C4orf50: variants seen among roughly 807,000 people sequenced by gnomAD.
C4orf50 encodes the protein uncharacterized protein C4orf50.
A neutral mutation model predicts 77.2 loss-of-function variants in C4orf50; 80 were observed. The ratio of observed to expected loss-of-function variants is 1.04; its 90% CI spans 0.87 to 1.25. C4orf50 has a LOEUF of 1.25. C4orf50 is among the 50% of genes most tolerant of loss of function. C4orf50 has a pLI of 0.00. For synonymous variants in C4orf50, 532 were observed against 465.3 expected, an observed-to-expected ratio of 1.14 and a Z score of -1.84; for missense variants, 1,257 against 1,152.9, an observed-to-expected ratio of 1.09 and a Z score of -1.31.
intron 25 of C4orf50, among the ~76,000 whole-genome samples, chr4:6,005,275 C>G (rs1445873666): frequency 1.3e-5 from 2 of 152,238 alleles, no homozygotes; most frequent in East Asian, 3.9e-4. Context: ...ACTTGATGGG[C>G]AATTTAGGGA....
At chr4:5,911,972 G>A (rs1056547119) in intron 7 of C4orf50, among the ~76,000 whole-genome samples, 3 of 152,080 alleles carry the variant, frequency 2.0e-5, no homozygotes, top group Non-Finnish European at 4.4e-5. Context: ...CTTTAACCCC[G>A]GAGGCGGAGG....
chr4:5,979,798 G>A lies in C4orf50; in HGVS notation c.3864+376C>T, dbSNP rs142967978. 9.7e-3 allele frequency among the ~76,000 whole-genome samples: 1,476 copies of A among 152,316 alleles called. 21 individuals are homozygous for A. The highest frequency in any genetic ancestry group is 0.033 in the African/African-American group (1,368 of 41,564). ...TTCAGATCTCTCCAGTTTTAAACGT[G>A]TGTGTCTGCGTGTTAAGTCCCGTGC... On this transcript the variant is annotated intron_variant, in intron 29 of 33. Transcript: ENST00000531445.
At chr4:5,906,812 A>G (rs940828311) in intron 7 of C4orf50, among the ~76,000 whole-genome samples, 1 of 152,240 alleles carries the variant, frequency 6.6e-6, no homozygotes, top group African/African-American at 2.4e-5. Context: ...GTAGGTACAC[A>G]GCTTCAAATC....
At chr4:5,911,810 G>A (rs895375190) in intron 7 of C4orf50, among the ~76,000 whole-genome samples, 2 of 152,188 alleles carry the variant, frequency 1.3e-5, no homozygotes, top group Non-Finnish European at 2.9e-5. Flanking sequence ...TACTTTGAGA[G>A]GCCCAGGCGG....
In C4orf50 at chr4:5,988,500, C is replaced by T. The variant is rs773568729; in HGVS notation, c.3546G>A (p.Ser1182=). The T allele has an allele frequency of 1.4e-5, 21 of 1,542,722 alleles. No individual in the cohort carries two copies. The Admixed American group carries it at 1.8e-4, about 13-fold the overall frequency. ...CTACACCAGTGTTTCTCCAGACCAG[C>T]GATGGAGGGGGAGAATCAGCACCGC... Residue 1182 remains serine, a synonymous_variant, in exon 28 of 34, where the codon TCG becomes TCA. Transcript: ENST00000531445.
At chr4:5,910,998 C>T (rs6849799) in intron 7 of C4orf50, among the ~76,000 whole-genome samples, 1,665 of 151,142 alleles carry the variant, frequency 0.011, 26 homozygotes, top group African/African-American at 0.038. Flanking sequence ...CTCCGCCTCC[C>T]GGGTTCACGC....
chr4:5,919,224 C>T lies in C4orf50; in HGVS notation c.*2475-21036G>A, dbSNP rs537311845. Among the ~76,000 whole-genome samples, 9 of 152,300 alleles carry T rather than the reference C, an allele frequency of 5.9e-5. No homozygotes were observed. The East Asian group carries it at 1.7e-3, about 29-fold the overall frequency. On this transcript the variant is annotated intron_variant, in intron 7 of 7. Coordinates refer to the C4orf50 transcript ENST00000324058. This position sits in a 1 kb window ranked among gnomAD's most constrained non-coding sequence, Gnocchi z 6.5. ...TGCCATTTCCGGAGCTGAATGTATTCAGGGGCCTGTTTCCAGTTCAGAGGA... is the reference window on the plus strand; with the variant it reads ...TGCCATTTCCGGAGCTGAATGTATTTAGGGGCCTGTTTCCAGTTCAGAGGA...
At chr4:6,004,352 CGGTGATGGTGATGAT>C (rs1722123183) in intron 25 of C4orf50, among the ~76,000 whole-genome samples, 6 of 15,928 alleles carry the variant, frequency 3.8e-4, no homozygotes, top group Non-Finnish European at 6.8e-4. Context: ...GTGATGATGA[CGGTGATGGTGATGAT>C]GGTGATGGTG....
At chr4:5,957,841 G>A (rs1004192324) in exon 34 of C4orf50, 2 of 152,020 alleles carry the variant, frequency 1.3e-5, no homozygotes, top group African/African-American at 4.8e-5. Flanking sequence ...AATTTTCCTC[G>A]AAATAAAACC....
rs185348208 is a variant in C4orf50, at chr4:5,976,941, G to A, written c.3865-986C>T. 7.2e-5 allele frequency among the ~76,000 whole-genome samples: 11 copies of A among 152,352 alleles called. No homozygotes were observed. In the East Asian group the frequency reaches 2.1e-3, roughly 29 times the overall value. ...TAGAATGCAGTGGAAGTGGCCCTGA[G>A]GCCTTTGTGGGCCTGGCACTGAATA... is the stretch of plus-strand genomic sequence containing the variant. On this transcript the variant is annotated intron_variant, in intron 29 of 33. Transcript: ENST00000531445.
chr4:5,928,279 T>G (rs882218), intron 7 of C4orf50, among the ~76,000 whole-genome samples: 10,351 of 152,058 alleles, frequency 0.068, 680 homozygotes, highest in African/African-American at 0.18. Context: ...CAAGGTAATC[T>G]TATAAGGTCA....
intron 25 of C4orf50, among the ~76,000 whole-genome samples, chr4:5,999,100 T>C (rs1721719048): frequency 6.6e-6 from 1 of 152,214 alleles, no homozygotes; most frequent in African/African-American, 2.4e-5. Flanking sequence ...CCCGGCTACC[T>C]TGCAGAGTTC....
At position 5,968,798 on chromosome 4, in the gene C4orf50, C is replaced by T. The variant is rs557212702; in HGVS notation, c.4105-1336G>A. On this transcript the variant is annotated intron_variant, in intron 31 of 33. Coordinates refer to ENST00000531445, the Ensembl canonical transcript of C4orf50. The stretch of plus-strand genomic sequence containing the variant: ...TCATTAGACAGAGGCTCCTTCAACG[C>T]GAGACTGGGGTTTTGTTCGCCTTCG... 5.3e-5 allele frequency among the ~76,000 whole-genome samples: 8 copies of T among 152,248 alleles called. No individual in the cohort carries two copies. The South Asian group carries it at 1.2e-3, about 24-fold the overall frequency.
intron 28 of C4orf50, among the ~76,000 whole-genome samples, chr4:5,985,696 A>G (rs1720819957): frequency 6.6e-6 from 1 of 152,192 alleles, no homozygotes; most frequent in African/African-American, 2.4e-5. Flanking sequence ...GTCTGGGCAC[A>G]GTGGCTCACA....
At chr4:5,969,188 C>T (rs185643536) in intron 31 of C4orf50, among the ~76,000 whole-genome samples, 35 of 152,160 alleles carry the variant, frequency 2.3e-4, no homozygotes, top group Middle Eastern at 3.4e-3. Flanking sequence ...TACACTCTCC[C>T]GAGCCCTGCC....
In C4orf50 at chr4:6,007,939, C is replaced by A; in HGVS notation, c.963+57G>T. The A allele has an allele frequency of 2.5e-6, 1 of 399,200 alleles. No individual in the cohort carries two copies. Among genetic ancestry groups the A allele is most frequent in the South Asian group, 1.3e-4 (1 of 7,774 alleles). The allele number at this position is 399,200 out of a possible 1,614,324, so 24.7% of individuals were successfully genotyped here. On this transcript the variant is annotated intron_variant, in intron 25 of 33. Transcript: ENST00000531445. This position sits in a 1 kb window ranked among gnomAD's most constrained non-coding sequence, Gnocchi z 4.1. ...ATGGGCCAATGACTTCACCAAGTGG[C>A]TGGAGGAGAAGGAGAAAGGCAAAAG...
chr4:6,014,305 A>G (rs187461007), intron 23 of C4orf50, among the ~76,000 whole-genome samples: 80 of 152,188 alleles, frequency 5.3e-4, no homozygotes, highest in African/African-American at 1.8e-3. Context: ...CCGGCCTAGT[A>G]TTGTTTTAAG....
rs1183016308 is a variant in C4orf50 at position 5,959,525 on chromosome 4, TC to T, written c.4376del (p.Gly1459GlufsTer19). 1 of 1,614,024 alleles carries T rather than the reference TC, an allele frequency of 6.2e-7. No individual in the cohort carries two copies. Among genetic ancestry groups the T allele is most frequent in the Non-Finnish European group, 8.5e-7 (1 of 1,180,034 alleles). ...CGACTTGGAGGGCAGGACAGGGCAT[TC>T]CGCCTTTTTCTTGCAGACGTTGTGC... On this transcript the variant is annotated frameshift_variant, in exon 34 of 34. Transcript: ENST00000531445. LOFTEE classifies it low-confidence loss of function (END_TRUNC).
chr4:6,003,822 GT>G (rs1721983155), intron 25 of C4orf50, among the ~76,000 whole-genome samples: 1 of 72,882 alleles, frequency 1.4e-5, no homozygotes. Context: ...GGTGATGATG[GT>G]GATGGTGATG....
Sources: allele counts gnomAD v4.1 joint callset (sites outside exome capture counted in the v4.1 genomes callset), GRCh38; gene constraint gnomAD v4.1.1; non-coding constraint Gnocchi (gnomAD v3.1); transcripts MANE v1.5; gene names NCBI Gene and HGNC (gene_info 2026-07-23, HGNC 2026-07-21).